TTLL11: variants seen among roughly 807,000 people sequenced by gnomAD.
The protein encoded by TTLL11 is tubulin polyglutamylase TTLL11.
A neutral mutation model predicts 51.7 loss-of-function variants in TTLL11; 42 were observed. That is an observed-to-expected ratio of 0.81 (90% CI 0.64 to 1.05). TTLL11 has a LOEUF of 1.05. Ranked by LOEUF, TTLL11 falls within the 50% of genes least tolerant of loss-of-function variation. The pLI, the probability that TTLL11 is intolerant of heterozygous loss-of-function variation, is 0.00. For missense variants in TTLL11, 799 were observed against 940.4 expected, an observed-to-expected ratio of 0.85 and a Z score of 1.97; for synonymous variants, 381 against 383.5, an observed-to-expected ratio of 0.99 and a Z score of 0.08.
intron 4 of TTLL11, among the ~76,000 whole-genome samples, chr9:121,984,157 G>C (rs1842889743): frequency 6.6e-6 from 1 of 152,152 alleles, no homozygotes; most frequent in African/African-American, 2.4e-5. Context: ...AGGGAAGCTA[G>C]ACTGGGGTTG....
intron 8 of TTLL11, among the ~76,000 whole-genome samples, chr9:121,852,042 A>G (rs950328088): frequency 6.6e-6 from 1 of 152,172 alleles, no homozygotes; most frequent in Admixed American, 6.5e-5. Flanking sequence ...ACCAGGACTG[A>G]GACTCGGGGC....
chr9:122,062,188 G>A (rs967601744), intron 1 of TTLL11, among the ~76,000 whole-genome samples: 5 of 152,064 alleles, frequency 3.3e-5, no homozygotes, highest in Non-Finnish European at 5.9e-5. Flanking sequence ...TGAGGGGCTC[G>A]ATCTCTTACA....
rs368037672 is a variant in TTLL11 at position 121,983,996 on chromosome 9, G to A, written c.1269+5199C>T. Reference sequence around the variant, plus strand: ...GGGCTTGAATAGCACCTTAGAAGGCGTTGAAGTTCAAGAAACAGCAAGAAT... The same window carrying A: ...GGGCTTGAATAGCACCTTAGAAGGCATTGAAGTTCAAGAAACAGCAAGAAT... On this transcript the variant is annotated intron_variant, in intron 4 of 8. Transcript: ENST00000321582. 8.7e-4 allele frequency among the ~76,000 whole-genome samples: 132 copies of A among 152,296 alleles called. 1 individual carries two copies. Among genetic ancestry groups the A allele is most frequent in the African/African-American group, 2.9e-3 (121 of 41,558 alleles).
rs76369664 is a variant in TTLL11, at chr9:122,066,743, T to C, written c.462+25944A>G. Among the ~76,000 whole-genome samples, 1,144 of 152,228 alleles carry C rather than the reference T, an allele frequency of 7.5e-3. 18 individuals carry two copies. Among genetic ancestry groups the C allele is most frequent in the African/African-American group, 0.026 (1,085 of 41,530 alleles). ...ATTAAGTCCAGAGTAGTATGGTCCGTTTTCATACTGTTATCAAGAACTGCC... is the reference window on the plus strand; with the variant it reads ...ATTAAGTCCAGAGTAGTATGGTCCGCTTTCATACTGTTATCAAGAACTGCC... On this transcript the variant is annotated intron_variant, in intron 1 of 8. Coordinates refer to ENST00000321582, the MANE Select transcript of TTLL11 (RefSeq NM_001139442.2).
intron 6 of TTLL11, among the ~76,000 whole-genome samples, chr9:121,929,346 A>G (rs554169712): frequency 6.6e-6 from 1 of 152,218 alleles, no homozygotes; most frequent in African/African-American, 2.4e-5. Flanking sequence ...AGGCTGAGGC[A>G]GGAAAATCAC....
At chr9:122,083,296 A>G (rs1846044923) in intron 1 of TTLL11, among the ~76,000 whole-genome samples, 2 of 151,840 alleles carry the variant, frequency 1.3e-5, no homozygotes, top group South Asian at 4.2e-4. Context: ...ATTCACCACC[A>G]CATGCTCTTT....
intron 1 of TTLL11, among the ~76,000 whole-genome samples, chr9:122,082,893 G>C (rs1846034567): frequency 6.6e-6 from 1 of 152,072 alleles, no homozygotes; most frequent in African/African-American, 2.4e-5. Context: ...GCTGGGCATG[G>C]TGTGCACCTG....
At chr9:121,875,595 A>C (rs1262014687) in intron 6 of TTLL11, among the ~76,000 whole-genome samples, 1 of 152,202 alleles carries the variant, frequency 6.6e-6, no homozygotes, top group East Asian at 1.9e-4. Context: ...CACTAACGAT[A>C]CATCTGATAT....
chr9:121,988,793 A>G (rs955924312), intron 4 of TTLL11: 2 of 260,122 alleles, frequency 7.7e-6, no homozygotes, highest in African/African-American at 2.2e-5. Flanking sequence ...CAAGGCCCTG[A>G]CTTGCTGTCT....
Position 122,017,472 on chromosome 9 carries a change from C to CTTT in TTLL11, c.693+14248_693+14250dup, listed in dbSNP as rs146107264. Among the ~76,000 whole-genome samples, 333 of 127,796 alleles carry CTTT rather than the reference C, an allele frequency of 2.6e-3. 2 individuals carry two copies. The highest frequency in any genetic ancestry group is 3.5e-3 in the Non-Finnish European group (210 of 60,816). 83.8% of individuals were successfully genotyped at this position (127,796 alleles called of 152,430 possible). A position where few individuals can be genotyped will look rare whatever the true frequency, so the allele number is the denominator to read the frequency against. On this transcript the variant is annotated intron_variant, in intron 3 of 8. Transcript: ENST00000321582. ...AATGTTCATCAACAACAGGGTGAGGCTTTTTTTTTTTTTTTTTGAGACCCA... is the reference window on the plus strand; with the variant it reads ...AATGTTCATCAACAACAGGGTGAGGCTTTTTTTTTTTTTTTTTTTTGAGACCCA...
At position 121,853,786 on chromosome 9, in the gene TTLL11, C is replaced by T. The variant is rs940282230; in HGVS notation, c.1840+6551G>A. On this transcript the variant is annotated intron_variant, in intron 8 of 8. Transcript: ENST00000321582. This position sits in a 1 kb window ranked among gnomAD's most constrained non-coding sequence, Gnocchi z 5.6. ...GAGGAGGGCCTGGCACTCTGTCAGC[C>T]ACCAAGGGAGAGTCTGTTGCGGCCA... 6.6e-6 allele frequency among the ~76,000 whole-genome samples: 1 copy of T among 152,194 alleles called. No individual in the cohort carries two copies. Among genetic ancestry groups the T allele is most frequent in the African/African-American group, 2.4e-5 (1 of 41,450 alleles).
intron 2 of TTLL11, among the ~76,000 whole-genome samples, chr9:122,034,496 G>A (rs1844647216): frequency 6.6e-6 from 1 of 152,176 alleles, no homozygotes; most frequent in Non-Finnish European, 1.5e-5. Flanking sequence ...CTCCAAACCT[G>A]CCTGAATGCC....
At chr9:122,087,262 T>A (rs890112881) in intron 1 of TTLL11, among the ~76,000 whole-genome samples, 1 of 152,136 alleles carries the variant, frequency 6.6e-6, no homozygotes, top group African/African-American at 2.4e-5. Flanking sequence ...CCAGCTGAAG[T>A]GCAGTGGTGC....
At chr9:121,830,276 G>A (rs984999906) in intron 8 of TTLL11, among the ~76,000 whole-genome samples, 1 of 152,146 alleles carries the variant, frequency 6.6e-6, no homozygotes, top group African/African-American at 2.4e-5. Flanking sequence ...TCGAACTTTC[G>A]AAACTCCCAG....
intron 8 of TTLL11, among the ~76,000 whole-genome samples, chr9:121,823,714 A>G (rs1836654721): frequency 6.6e-6 from 1 of 152,204 alleles, no homozygotes; most frequent in South Asian, 2.1e-4. Context: ...CTTAAGGCTC[A>G]TGCATTTTGC....
intron 8 of TTLL11, among the ~76,000 whole-genome samples, chr9:121,855,012 T>C (rs904107843): frequency 1.3e-5 from 2 of 152,200 alleles, no homozygotes; most frequent in Non-Finnish European, 2.9e-5. Flanking sequence ...TGAAGAGCCA[T>C]TGACATTCTG....
At chr9:121,831,689 G>A (rs1167423571) in intron 8 of TTLL11, among the ~76,000 whole-genome samples, 1 of 132,990 alleles carries the variant, frequency 7.5e-6, no homozygotes, top group Non-Finnish European at 1.6e-5. Context: ...AAGAGAGAGA[G>A]ACTCTGTCTC....
intron 4 of TTLL11, among the ~76,000 whole-genome samples, chr9:121,986,089 A>G (rs906266173): frequency 1.3e-5 from 2 of 152,132 alleles, no homozygotes; most frequent in Non-Finnish European, 1.5e-5. Flanking sequence ...CCTCTGGCCC[A>G]GGCCTGGAAG....
intron 1 of TTLL11, among the ~76,000 whole-genome samples, chr9:122,088,234 T>G (rs888266586): frequency 2.0e-5 from 3 of 152,220 alleles, no homozygotes; most frequent in African/African-American, 7.2e-5. Context: ...CCATCCTGCA[T>G]GTAAAACCTG....
Sources: gnomAD v4.1 joint callset for allele counts (sites outside exome capture counted in the v4.1 genomes callset) on GRCh38, gnomAD v4.1.1 for gene constraint, Gnocchi (gnomAD v3.1) non-coding constraint, MANE v1.5 for transcripts, NCBI Gene and HGNC (gene_info 2026-07-23, HGNC 2026-07-21) for gene names.